Variants in ENOX1 observed in about 807,000 individuals in gnomAD.
The protein encoded by ENOX1 is ecto-NOX disulfide-thiol exchanger 1, also known as candidate growth-related and time keeping constitutive hydroquinone (NADH) oxidase.
ENOX1 carries 42 observed loss-of-function variants against 82.5 expected under a neutral mutation model. The ratio of observed to expected loss-of-function variants is 0.51; its 90% confidence interval spans 0.40 to 0.66. The LOEUF is 0.66. Ranked by LOEUF, ENOX1 falls within the 30% of genes least tolerant of loss-of-function variation. The probability of loss-of-function intolerance (pLI) is 0.00; values close to 1 mark genes in which losing one functional copy is unlikely to be tolerated. For synonymous variants in ENOX1, 271 were observed against 282.2 expected (o/e 0.96, Z 0.40); for missense variants, 608 against 811.6 (o/e 0.75, Z 3.05).
rs1566382298 is a variant in ENOX1 at position 43,269,473 on chromosome 13, T to C, written c.1551A>G (p.Glu517=). Residue 517 remains glutamate (E), a synonymous_variant, in exon 13 of 17, where the codon GAA becomes GAG. Transcript: ENST00000690772. ...CAGAGCTGTTTCATTCACTTACTTG[T>C]TCCTGCAGGACTTTTAGTAACGCTT... ...HTQALLKVLQ[E]QLKGTKELVE... 6.2e-7 allele frequency: 1 copy of C among 1,612,818 alleles called. No individual in the cohort carries two copies. The highest frequency in any genetic ancestry group is 8.5e-7 in the Non-Finnish European group (1 of 1,178,842).
intron 3 of ENOX1, among the ~76,000 whole-genome samples, chr13:43,447,609 T>C (rs2056726643): frequency 6.6e-6 from 1 of 151,966 alleles, no homozygotes; most frequent in Non-Finnish European, 1.5e-5. Flanking sequence ...CACTCATTCA[T>C]ATGCAAAAGC....
chr13:43,497,416 G>A (rs9567203), intron 2 of ENOX1, among the ~76,000 whole-genome samples: 64,795 of 151,830 alleles, frequency 0.43, 14,015 homozygotes, highest in African/African-American at 0.5. Context: ...TAACAGATTA[G>A]GAAAGATACC....
chr13:43,337,068 A>G (rs926554601), intron 9 of ENOX1, among the ~76,000 whole-genome samples: 3 of 152,242 alleles, frequency 2.0e-5, no homozygotes, highest in African/African-American at 7.2e-5. Context: ...CAACTAAAGT[A>G]TATGCCGTAT....
rs202225402 is a variant in ENOX1, at chr13:43,622,090, CTTTGAT to C, written c.-219+45383_-219+45388del. ...AAAATGTGTCCAAAGCTTCCTGAAT[CTTTGAT>C]TTTGTTTTCCTTTAAGCTATCTAGT... On this transcript the variant is annotated intron_variant, in intron 2 of 16. Transcript: ENST00000690772. 3.6e-3 allele frequency among the ~76,000 whole-genome samples: 546 copies of C among 152,228 alleles called. 3 individuals are homozygous for C. Among genetic ancestry groups the C allele is most frequent in the African/African-American group, 0.012 (501 of 41,542 alleles).
rs940270587 is a variant in ENOX1, at chr13:43,534,494, C to T, written c.-218-50342G>A. On this transcript the variant is annotated intron_variant, in intron 2 of 16. Transcript: ENST00000690772. Reference sequence around the variant, plus strand: ...AAAAAACAACTGTTCGCTACCCCATCCCTTAACTCCTAGAGGGTAAAGACA... The same window carrying T: ...AAAAAACAACTGTTCGCTACCCCATTCCTTAACTCCTAGAGGGTAAAGACA... 2.3e-4 allele frequency among the ~76,000 whole-genome samples: 35 copies of T among 152,170 alleles called. 1 individual carries two copies. The highest frequency in any genetic ancestry group is 6.2e-4 in the South Asian group (3 of 4,830).
At chr13:43,356,175 T>G in intron 7 of ENOX1, 23 bp from the exon 8 acceptor site, 2 of 1,610,078 alleles carry the variant, frequency 1.2e-6, no homozygotes, top group Non-Finnish European at 1.7e-6. Flanking sequence ...GAAACTCTGG[T>G]CACACCATAA....
At chr13:43,712,389 T>C (rs1337173298) in intron 1 of ENOX1, among the ~76,000 whole-genome samples, 2 of 152,074 alleles carry the variant, frequency 1.3e-5, no homozygotes, top group African/African-American at 2.4e-5. Context: ...GGCTTAGGAT[T>C]GACTTGGCGA....
chr13:43,284,263 A>G (rs552332172), intron 12 of ENOX1, among the ~76,000 whole-genome samples: 2 of 152,302 alleles, frequency 1.3e-5, no homozygotes, highest in East Asian at 1.9e-4. Flanking sequence ...ACAAACCGTT[A>G]GGAAAGAAAT....
At chr13:43,396,600 C>T (rs1245760000) in intron 5 of ENOX1, among the ~76,000 whole-genome samples, 1 of 152,018 alleles carries the variant, frequency 6.6e-6, no homozygotes, top group Non-Finnish European at 1.5e-5. Flanking sequence ...AGGCTGGTCT[C>T]GAACTCCTGA....
chr13:43,222,504 G>A (rs909040945), intron 16 of ENOX1, among the ~76,000 whole-genome samples: 36 of 152,160 alleles, frequency 2.4e-4, no homozygotes, highest in African/African-American at 7.7e-4. Context: ...TAAACGACAA[G>A]TGGATTGTTG....
chr13:43,419,443 C>G (rs2031357), intron 3 of ENOX1, among the ~76,000 whole-genome samples: 124,143 of 151,930 alleles, frequency 0.82, 51,259 homozygotes, highest in Non-Finnish European at 0.88. Flanking sequence ...CTGCTCAGGA[C>G]GCTGGGGTGG....
chr13:43,542,155 T>G (rs2078760881), intron 2 of ENOX1, among the ~76,000 whole-genome samples: 1 of 152,180 alleles, frequency 6.6e-6, no homozygotes. Flanking sequence ...TTTCTTTTTT[T>G]CCGAGATGAA....
chr13:43,671,618 G>A (rs773227739), intron 1 of ENOX1, among the ~76,000 whole-genome samples: 9 of 152,048 alleles, frequency 5.9e-5, no homozygotes, highest in Non-Finnish European at 8.8e-5. Context: ...GGGAAGTGAC[G>A]ACCTGATCAC....
chr13:43,329,279 A>G (rs905081528), intron 9 of ENOX1, among the ~76,000 whole-genome samples: 23 of 152,174 alleles, frequency 1.5e-4, no homozygotes, highest in Admixed American at 1.2e-3. Flanking sequence ...CTTGGGAGAA[A>G]TTACAAAGGA....
chr13:43,620,098 A>G (rs891872884), intron 2 of ENOX1, among the ~76,000 whole-genome samples: 3 of 152,064 alleles, frequency 2.0e-5, no homozygotes, highest in Non-Finnish European at 4.4e-5. Context: ...CAGTTGTAAT[A>G]TCTCCTGTTT....
intron 1 of ENOX1, among the ~76,000 whole-genome samples, chr13:43,689,350 G>A (rs1205335294): frequency 1.3e-5 from 2 of 152,110 alleles, no homozygotes; most frequent in Non-Finnish European, 2.9e-5. Flanking sequence ...ACACTGAAGA[G>A]GTAAAAGGAA....
intron 5 of ENOX1, among the ~76,000 whole-genome samples, chr13:43,384,365 C>T (rs1419339558): frequency 1.3e-5 from 2 of 152,130 alleles, no homozygotes; most frequent in African/African-American, 4.8e-5. Flanking sequence ...GAGAACCATA[C>T]AAGACCAGCC....
In ENOX1 at chr13:43,470,330, G is replaced by A. The variant is rs12428166; in HGVS notation, c.-75+13679C>T. Reference sequence around the variant, plus strand: ...TACATATATATACACATATATATATGTATATATATACGTATATATATATGT... The same window carrying A: ...TACATATATATACACATATATATATATATATATATACGTATATATATATGT... On this transcript the variant is annotated intron_variant, in intron 3 of 16. Transcript: ENST00000690772. Among the ~76,000 whole-genome samples the A allele has an allele frequency of 3.3e-3, 84 of 25,214 alleles. 6 individuals are homozygous for A. The highest frequency in any genetic ancestry group is 7.2e-3 in the African/African-American group (57 of 7,918). 16.5% of individuals were successfully genotyped at this position (25,214 alleles called of 152,430 possible).
intron 3 of ENOX1, among the ~76,000 whole-genome samples, chr13:43,440,508 T>G (rs2056301336): frequency 6.6e-6 from 1 of 151,756 alleles, no homozygotes; most frequent in Non-Finnish European, 1.5e-5. Context: ...TGAATGTGAG[T>G]TTTTTTAACA....
Sources: allele counts gnomAD v4.1 joint callset (sites outside exome capture counted in the v4.1 genomes callset), GRCh38; gene constraint gnomAD v4.1.1; transcripts MANE v1.5; gene names NCBI Gene and HGNC (gene_info 2026-07-23, HGNC 2026-07-21).